TRIP10: variants seen among roughly 807,000 people sequenced by gnomAD.
TRIP10 encodes the protein thyroid hormone receptor interactor 10, also known as cdc42-interacting protein 4.
In TRIP10, 54 loss-of-function variants were observed where a neutral mutation model predicts 80.9. The observed-to-expected ratio is 0.67, with a 90% CI of 0.54 to 0.84. The LOEUF (loss-of-function observed/expected upper bound fraction) is 0.84. Among genes scored for constraint, TRIP10 ranks in the 40% least tolerant of loss-of-function variants. The probability of loss-of-function intolerance (pLI) is 0.00; values close to 1 mark genes in which losing one functional copy is unlikely to be tolerated. For synonymous variants in TRIP10, 321 were observed against 307.2 expected, an observed-to-expected ratio of 1.04 and a Z score of -0.47; for missense variants, 773 against 815.3, an observed-to-expected ratio of 0.95 and a Z score of 0.63.
rs1426866755 is a variant in TRIP10, at chr19:6,746,800, G to A, written c.1262+239G>A. On this transcript the variant is annotated intron_variant, in intron 11 of 14. Coordinates refer to ENST00000313244, the MANE Select transcript of TRIP10 (RefSeq NM_001288962.2). This position sits in a 1 kb window ranked among gnomAD's most constrained non-coding sequence, Gnocchi z 6.2. ...GCCGATTAGCTAGGACCACAGGCAT[G>A]CACCAGCTAATTTTTATATTTTTAG... Among the ~76,000 whole-genome samples, 3 of 152,088 alleles carry A rather than the reference G, an allele frequency of 2.0e-5. No homozygotes were observed. The highest frequency in any genetic ancestry group is 4.4e-5 in the Non-Finnish European group (3 of 68,012).
rs1156814767 is a variant in TRIP10, at chr19:6,744,398, A to G, written c.643-156A>G. ...GGCCCTGTGTCTCTTCCCCAACCACAGTGGGCTGGAGTCTCTCTTCCCGAC... is the reference window on the plus strand; with the variant it reads ...GGCCCTGTGTCTCTTCCCCAACCACGGTGGGCTGGAGTCTCTCTTCCCGAC... On this transcript the variant is annotated intron_variant, in intron 7 of 14. Coordinates refer to ENST00000313244, the MANE Select transcript of TRIP10 (RefSeq NM_001288962.2). The surrounding 1 kb of genome is among the most constrained non-coding windows in gnomAD (Gnocchi z 4.9). Among the ~76,000 whole-genome samples, 1 of 152,020 alleles carries G rather than the reference A, an allele frequency of 6.6e-6. No homozygotes were observed. Among genetic ancestry groups the G allele is most frequent in the Non-Finnish European group, 1.5e-5 (1 of 68,000 alleles).
At position 6,749,996 on chromosome 19, in the gene TRIP10, G is replaced by C; in HGVS notation, c.1325G>C (p.Ser442Thr). The change falls in exon 12 of 15, where the codon AGC becomes ACC. Residue 442 changes from serine to threonine, a missense_variant. By Grantham distance (58) the Ser-to-Thr change is moderately conservative (BLOSUM62 1). Coordinates refer to ENST00000313244, the MANE Select transcript of TRIP10 (RefSeq NM_001288962.2). ...ACACCTCAGATGGGGGACCCCGCCA[G>C]CTTGGAGCCCCAGATCGCTGAAACC... ...EKTPQMGDPA[S>T]LEPQIAETLS... The C allele has an allele frequency of 6.2e-7, 1 of 1,614,154 alleles. No homozygotes were observed. The highest frequency in any genetic ancestry group is 8.5e-7 in the Non-Finnish European group (1 of 1,180,024).
intron 11 of TRIP10, among the ~76,000 whole-genome samples, chr19:6,747,744 G>A (rs1160634496): frequency 6.6e-6 from 1 of 152,034 alleles, no homozygotes; most frequent in East Asian, 1.9e-4. Flanking sequence ...AGTGAGTCAA[G>A]ACTGCACCAC....
At position 6,746,029 on chromosome 19, in the gene TRIP10, C is replaced by G. The variant is rs1969112705; in HGVS notation, c.985C>G (p.Pro329Ala). 1.1e-6 allele frequency: 1 copy of G among 895,398 alleles called. No homozygotes were observed. Among genetic ancestry groups the G allele is most frequent in the Admixed American group, 5.0e-5 (1 of 19,926 alleles). 55.5% of individuals were successfully genotyped at this position (895,398 alleles called of 1,614,324 possible). Reference sequence around the variant, plus strand: ...CCCCCTCCCCGGCCCCCGCCGGTAGCCTCGCCCCCCACCCCTCTCCCCCCT... The same window carrying G: ...CCCCCTCCCCGGCCCCCGCCGGTAGGCTCGCCCCCCACCCCTCTCCCCCCT... Reference protein sequence around the residue: ...KRWPFGKKNKPRPPPLSPLGG... With the variant: ...KRWPFGKKNKARPPPLSPLGG... The change falls in exon 10 of 15, where the codon CCT becomes GCT. Residue 329 changes from proline (P) to alanine (A), a missense_variant and splice_region_variant. By Grantham distance (27) the Pro-to-Ala change is conservative (BLOSUM62 -1). Coordinates refer to ENST00000313244, the MANE Select transcript of TRIP10 (RefSeq NM_001288962.2). This position sits in a 1 kb window ranked among gnomAD's most constrained non-coding sequence, Gnocchi z 6.2.
rs1969044238 is a variant in TRIP10 at position 6,744,603 on chromosome 19, A to T, written c.692A>T (p.Tyr231Phe). The change falls in exon 8 of 15, where the codon TAT becomes TTT. Residue 231 changes from tyrosine (Y) to phenylalanine (F), a missense_variant. Tyr to Phe is a conservative substitution (Grantham distance 22). Coordinates refer to ENST00000313244, the MANE Select transcript of TRIP10 (RefSeq NM_001288962.2). This position sits in a 1 kb window ranked among gnomAD's most constrained non-coding sequence, Gnocchi z 4.9. ...ERRATRLGAG[Y>F]GLLSEAELEV... ...AGGGCCACCCGCCTGGGTGCCGGGT[A>T]TGGGCTCCTGTCGGAGGCCGAGCTG... The T allele has an allele frequency of 6.2e-7, 1 of 1,614,150 alleles. No homozygotes were observed. Among genetic ancestry groups the T allele is most frequent in the Non-Finnish European group, 8.5e-7 (1 of 1,179,998 alleles).
intron 14 of TRIP10, 77 bp downstream of exon 14, chr19:6,750,710 A>T (rs1297213679): frequency 3.2e-6 from 5 of 1,580,698 alleles, no homozygotes; most frequent in Non-Finnish European, 4.3e-6. Flanking sequence ...ATTCGCCTAA[A>T]GCAGGGCTGG....
chr19:6,742,630 A>C (rs1968953462), intron 3 of TRIP10, among the ~76,000 whole-genome samples: 1 of 151,752 alleles, frequency 6.6e-6, no homozygotes, highest in Non-Finnish European at 1.5e-5. Context: ...TGGAAAAAAA[A>C]AATTAGCCAG....
Position 6,746,206 on chromosome 19 carries a change from G to A in TRIP10, c.1152+10G>A. 6.6e-7 allele frequency: 1 copy of A among 1,519,420 alleles called. No individual in the cohort carries two copies. The highest frequency in any genetic ancestry group is 8.9e-7 in the Non-Finnish European group (1 of 1,128,278). 94.1% of individuals were successfully genotyped at this position (1,519,420 alleles called of 1,614,324 possible). On this transcript the variant is annotated intron_variant, in intron 10 of 14. Transcript: ENST00000313244. This position sits in a 1 kb window ranked among gnomAD's most constrained non-coding sequence, Gnocchi z 6.2. ...TCGAGGCAGCCGTGGGGTAAGTGAG[G>A]CCTCGGGGCAGGAGGAGGTGGTGGC...
rs112442535 is a variant in TRIP10, at chr19:6,746,043, C to T, written c.999C>T (p.Pro333=). 2 of 1,282,366 alleles carry T rather than the reference C, an allele frequency of 1.6e-6. No homozygotes were observed. Among genetic ancestry groups the T allele is most frequent in the Non-Finnish European group, 1.0e-6 (1 of 963,982 alleles). The allele number at this position is 1,282,366 out of a possible 1,614,324, so 79.4% of individuals were successfully genotyped here. A position where few individuals can be genotyped will look rare whatever the true frequency, so the allele number is the denominator to read the frequency against. The change falls in exon 10 of 15, where the codon CCC becomes CCT. Residue 333 remains proline (P), a synonymous_variant. Coordinates refer to ENST00000313244, the MANE Select transcript of TRIP10 (RefSeq NM_001288962.2). This position sits in a 1 kb window ranked among gnomAD's most constrained non-coding sequence, Gnocchi z 6.2. ...FGKKNKPRPP[P]LSPLGGPVPS... ...CCCGCCGGTAGCCTCGCCCCCCACC[C>T]CTCTCCCCCCTGGGGGGCCCCGTAC...
At chr19:6,742,391 A>C (rs1968942896) in intron 3 of TRIP10, among the ~76,000 whole-genome samples, 4 of 152,194 alleles carry the variant, frequency 2.6e-5, no homozygotes, top group Admixed American at 1.3e-4. Context: ...CTCTGTCTCC[A>C]AAACAAATAG....
At chr19:6,750,181 T>C (rs1180874678) in intron 12 of TRIP10, 111 bp from the exon 13 acceptor site, 1 of 1,572,222 alleles carries the variant, frequency 6.4e-7, no homozygotes, top group East Asian at 2.3e-5. Context: ...CTCCAGCTGT[T>C]TTCCATCACA....
chr19:6,750,415 C>T lies in TRIP10; in HGVS notation c.1519C>T (p.Gln507Ter), dbSNP rs1359522750. 6.2e-7 allele frequency: 1 copy of T among 1,614,150 alleles called. No homozygotes were observed. The highest frequency in any genetic ancestry group is 8.5e-7 in the Non-Finnish European group (1 of 1,180,016). ...AGACAGCAGCAGCAACAGCGCATCA[C>T]AGGACACCAAGGAGAGGTGAGGGGT... ...PPDSSSNSAS[Q>*]DTKESSEEPP... Residue 507 changes from glutamine (Q) to a stop codon, truncating the protein, a stop_gained, in exon 13 of 15, where the codon CAG becomes TAG. Transcript: ENST00000313244. LOFTEE classifies it high-confidence loss of function.
chr19:6,740,692 G>T, intron 1 of TRIP10: 1 of 281,738 alleles, frequency 3.5e-6, no homozygotes, highest in South Asian at 6.4e-5. Context: ...GAATCCGGGG[G>T]GATTAGGGGA....
At chr19:6,741,635 G>A (rs1968920308) in intron 3 of TRIP10, among the ~76,000 whole-genome samples, 1 of 152,102 alleles carries the variant, frequency 6.6e-6, no homozygotes, top group Non-Finnish European at 1.5e-5. Context: ...AGCTTTGTAG[G>A]GCTTTCATGA....
intron 1 of TRIP10, 46 bp downstream of exon 1, chr19:6,739,831 A>G (rs1362794801): frequency 7.1e-7 from 1 of 1,415,022 alleles, no homozygotes. Context: ...GCTGGGGTCC[A>G]GGCACCCCCC....
chr19:6,740,954 C>T, intron 1 of TRIP10, 56 bp from the exon 2 acceptor site: 1 of 1,518,854 alleles, frequency 6.6e-7, no homozygotes, highest in Non-Finnish European at 9.1e-7. Context: ...GCTGTGGGGT[C>T]CCAAAATCGT....
In TRIP10 at chr19:6,744,701, G is replaced by A. The variant is rs746093268; in HGVS notation, c.789+1G>A. The A allele has an allele frequency of 3.1e-6, 5 of 1,598,126 alleles. No individual in the cohort carries two copies. The highest frequency in any genetic ancestry group is 4.3e-6 in the Non-Finnish European group (5 of 1,171,094). ...TGCAAATGCTGTGGATCCCAAGAAC[G>A]TGGGTGCCTGGTCTGGGTCCACTGG... On this transcript the variant is annotated splice_donor_variant, in intron 8 of 14. Coordinates refer to ENST00000313244, the MANE Select transcript of TRIP10 (RefSeq NM_001288962.2). LOFTEE classifies it high-confidence loss of function. The surrounding 1 kb of genome is among the most constrained non-coding windows in gnomAD (Gnocchi z 4.9).
Position 6,743,743 on chromosome 19 carries a change from C to G in TRIP10, c.549C>G (p.Ala183=). Residue 183 remains alanine (A), a synonymous_variant, in exon 7 of 15, where the codon GCC becomes GCG. Coordinates refer to ENST00000313244, the MANE Select transcript of TRIP10 (RefSeq NM_001288962.2). ...KQQAHLRSHM[A]EESKNEYAAQ... is the part of the protein sequence containing the mutation. ...AAGCCCACCTTCGGAGTCACATGGC[C>G]GAAGAAAGCAAAAACGAATATGCGG... 2 of 1,614,042 alleles carry G rather than the reference C, an allele frequency of 1.2e-6. No homozygotes were observed. The highest frequency in any genetic ancestry group is 1.1e-5 in the South Asian group (1 of 91,068).
chr19:6,746,448 G>A lies in TRIP10; in HGVS notation c.1153-4G>A. 2 of 1,614,004 alleles carry A rather than the reference G, an allele frequency of 1.2e-6. No homozygotes were observed. The highest frequency in any genetic ancestry group is 1.1e-5 in the South Asian group (1 of 91,078). ...CCAAATTCAGCCCTCTACCCACCTT[G>A]CAGACAGTGGTGACCGAGGATTTTA... On this transcript the variant is annotated splice_polypyrimidine_tract_variant and splice_region_variant and intron_variant, in intron 10 of 14. Coordinates refer to ENST00000313244, the MANE Select transcript of TRIP10 (RefSeq NM_001288962.2). The surrounding 1 kb of genome is among the most constrained non-coding windows in gnomAD (Gnocchi z 6.2).
Sources: allele counts gnomAD v4.1 joint callset (sites outside exome capture counted in the v4.1 genomes callset), GRCh38; gene constraint gnomAD v4.1.1; non-coding constraint Gnocchi (gnomAD v3.1); transcripts MANE v1.5; gene names NCBI Gene and HGNC (gene_info 2026-07-23, HGNC 2026-07-21).